The following EPHB1 variants were observed in gnomAD, a reference collection of about 807,000 sequenced individuals.
EPHB1 encodes EPH receptor B1, also known as ephrin type-B receptor 1.
A neutral mutation model predicts 94.4 loss-of-function variants in EPHB1; 30 were observed. That is an observed-to-expected ratio of 0.32 (90% CI 0.24 to 0.43). The LOEUF (loss-of-function observed/expected upper bound fraction) is 0.43, where lower values mean the gene tolerates loss of function less well. Ranked by LOEUF, EPHB1 falls within the 20% of genes least tolerant of loss-of-function variation. The pLI is 1.00. For missense variants in EPHB1, 1,055 were observed against 1,308.3 expected, an observed-to-expected ratio of 0.81 and a Z score of 2.99; for synonymous variants, 522 against 489.1, an observed-to-expected ratio of 1.07 and a Z score of -0.89.
chr3:134,878,073 C>G (rs956205258), intron 1 of EPHB1, among the ~76,000 whole-genome samples: 2 of 152,244 alleles, frequency 1.3e-5, no homozygotes, highest in Admixed American at 6.5e-5. Flanking sequence ...CCCCGGAGGG[C>G]AGGCACTGAG....
In EPHB1 at chr3:135,093,721, CAAAA is replaced by C. The variant is rs11297040; in HGVS notation, c.806-12714_806-12711del. On this transcript the variant is annotated intron_variant, in intron 3 of 15. Coordinates refer to ENST00000398015, the MANE Select transcript of EPHB1 (RefSeq NM_004441.5). ...TGGGTAACAGAGTGAGACCCTGACT[CAAAA>C]AAAAAAAAAAAATCGTTTTCCATTC... Among the ~76,000 whole-genome samples the C allele has an allele frequency of 1.1e-4, 16 of 140,546 alleles. No homozygotes were observed. In the South Asian group the frequency reaches 3.4e-3, roughly 30 times the overall value. 92.2% of individuals were successfully genotyped at this position (140,546 alleles called of 152,430 possible). A position where few individuals can be genotyped will look rare whatever the true frequency, so the allele number is the denominator to read the frequency against.
intron 3 of EPHB1, among the ~76,000 whole-genome samples, chr3:135,031,807 A>G (rs1432609298): frequency 6.6e-6 from 1 of 152,124 alleles, no homozygotes; most frequent in Non-Finnish European, 1.5e-5. Context: ...AATGTTTTGT[A>G]TCCTCACTTC....
intron 3 of EPHB1, among the ~76,000 whole-genome samples, chr3:135,019,093 G>C (rs751224697): frequency 6.6e-6 from 1 of 152,068 alleles, no homozygotes; most frequent in Non-Finnish European, 1.5e-5. Flanking sequence ...GGAGCTCTGC[G>C]TGCCCCACTC....
At chr3:135,245,219 C>T (rs995473122) in intron 13 of EPHB1, among the ~76,000 whole-genome samples, 2 of 152,230 alleles carry the variant, frequency 1.3e-5, no homozygotes, top group Non-Finnish European at 2.9e-5. Flanking sequence ...CTGTGCTCAA[C>T]ACGCATCACT....
At chr3:135,239,789 T>A (rs1214460268) in intron 12 of EPHB1, among the ~76,000 whole-genome samples, 1 of 152,190 alleles carries the variant, frequency 6.6e-6, no homozygotes, top group Non-Finnish European at 1.5e-5. Flanking sequence ...TCCCAGCCTC[T>A]CTCTTATCCC....
At chr3:134,892,608 G>C (rs1051771914) in intron 1 of EPHB1, among the ~76,000 whole-genome samples, 25 of 152,208 alleles carry the variant, frequency 1.6e-4, no homozygotes, top group African/African-American at 5.5e-4. Context: ...TTGTAAGTTA[G>C]GGGTTTCCAG....
rs192440685 is a variant in EPHB1 at position 135,191,091 on chromosome 3, A to C, written c.1883-1485A>C. On this transcript the variant is annotated intron_variant, in intron 10 of 15. Transcript: ENST00000398015. ...CCCTGTCTCAAAAAACAAAACAAAA[A>C]AAAAGGAGTGGAAGGGAGGAAGGAA... Among the ~76,000 whole-genome samples the C allele has an allele frequency of 2.0e-4, 28 of 142,398 alleles. No individual in the cohort carries two copies. In the East Asian group the frequency reaches 4.1e-3, roughly 21 times the overall value. The allele number at this position is 142,398 out of a possible 152,430, so 93.4% of individuals were successfully genotyped here.
intron 1 of EPHB1, among the ~76,000 whole-genome samples, chr3:134,853,471 G>A (rs941896546): frequency 3.3e-5 from 5 of 152,208 alleles, no homozygotes. Flanking sequence ...GAGAGAGAGA[G>A]TTACCAAAGA....
At chr3:135,186,745 T>C (rs906531706) in intron 10 of EPHB1, among the ~76,000 whole-genome samples, 13 of 152,234 alleles carry the variant, frequency 8.5e-5, no homozygotes, top group African/African-American at 3.1e-4. Flanking sequence ...TTAATGCTGC[T>C]GAAGCACTTT....
At chr3:134,859,542 C>CCCCT (rs1456357141) in intron 1 of EPHB1, among the ~76,000 whole-genome samples, 5 of 152,150 alleles carry the variant, frequency 3.3e-5, no homozygotes, top group African/African-American at 1.2e-4. Flanking sequence ...GTGTCCCCAC[C>CCCCT]CCCTGGCTGA....
intron 3 of EPHB1, among the ~76,000 whole-genome samples, chr3:134,980,947 C>T (rs1934378576): frequency 6.6e-6 from 1 of 152,122 alleles, no homozygotes; most frequent in East Asian, 1.9e-4. Flanking sequence ...GAAACAGATT[C>T]CTGGGAATTC....
Position 134,945,550 on chromosome 3 carries a change from G to C in EPHB1, c.124-5821G>C, listed in dbSNP as rs916784951. Among the ~76,000 whole-genome samples, 34 of 152,162 alleles carry C rather than the reference G, an allele frequency of 2.2e-4. 1 individual carries two copies. The highest frequency in any genetic ancestry group is 8.2e-4 in the African/African-American group (34 of 41,440). On this transcript the variant is annotated intron_variant, in intron 2 of 15. Transcript: ENST00000398015. ...ACTTGAAGTATTGGGAGAAGCTACTGAATTGATTTCTAGAAGATTTCACCA... is the reference window on the plus strand; with the variant it reads ...ACTTGAAGTATTGGGAGAAGCTACTCAATTGATTTCTAGAAGATTTCACCA...
At chr3:134,918,577 C>G (rs1462622086) in intron 1 of EPHB1, among the ~76,000 whole-genome samples, 1 of 152,164 alleles carries the variant, frequency 6.6e-6, no homozygotes, top group Non-Finnish European at 1.5e-5. Flanking sequence ...ATCTTGCTTC[C>G]TAGTTTTTGT....
chr3:134,920,108 G>C lies in EPHB1; in HGVS notation c.59-5708G>C, dbSNP rs115871752. 4.4e-3 allele frequency among the ~76,000 whole-genome samples: 668 copies of C among 152,218 alleles called. 5 individuals are homozygous for C. The highest frequency in any genetic ancestry group is 0.016 in the African/African-American group (646 of 41,514). ...TATTGGAAAAATTTCTGTGTTCTGT[G>C]TGGCTGCAAGCTCCCTGAGGGCTGG... On this transcript the variant is annotated intron_variant, in intron 1 of 15. Transcript: ENST00000398015.
chr3:135,010,771 C>T (rs1313193321), intron 3 of EPHB1, among the ~76,000 whole-genome samples: 1 of 151,888 alleles, frequency 6.6e-6, no homozygotes, highest in Non-Finnish European at 1.5e-5. Flanking sequence ...ACCATCTTGG[C>T]CAGGCTGGTC....
At chr3:135,116,152 T>C (rs553256137) in intron 4 of EPHB1, among the ~76,000 whole-genome samples, 3 of 152,256 alleles carry the variant, frequency 2.0e-5, no homozygotes, top group African/African-American at 7.2e-5. Flanking sequence ...AGGCAAAGGT[T>C]ACATTGAGCC....
chr3:135,081,018 T>A (rs908253040), intron 3 of EPHB1, among the ~76,000 whole-genome samples: 3 of 152,188 alleles, frequency 2.0e-5, no homozygotes, highest in Non-Finnish European at 4.4e-5. Flanking sequence ...ACATTCAGCC[T>A]CTTCCAGTTC....
chr3:134,943,881 G>A (rs1233546307), intron 2 of EPHB1, among the ~76,000 whole-genome samples: 3 of 152,152 alleles, frequency 2.0e-5, no homozygotes, highest in Non-Finnish European at 2.9e-5. Flanking sequence ...GAGACCGTGC[G>A]AGCATTGTTG....
At chr3:135,070,112 C>T (rs1435696621) in intron 3 of EPHB1, among the ~76,000 whole-genome samples, 3 of 152,178 alleles carry the variant, frequency 2.0e-5, no homozygotes, top group Non-Finnish European at 1.5e-5. Flanking sequence ...AATGAAACCA[C>T]CATCATGGAA....
Sources: gnomAD v4.1 joint callset for allele counts (sites outside exome capture counted in the v4.1 genomes callset) on GRCh38, gnomAD v4.1.1 for gene constraint, MANE v1.5 for transcripts, NCBI Gene and HGNC (gene_info 2026-07-23, HGNC 2026-07-21) for gene names.